Variants in DGKI observed in about 807,000 individuals in gnomAD.
DGKI encodes the protein DAG kinase iota.
In DGKI, 55 loss-of-function variants were observed where a neutral mutation model predicts 147.5. The ratio of observed to expected loss-of-function variants is 0.37; its 90% confidence interval spans 0.30 to 0.47. The LOEUF (loss-of-function observed/expected upper bound fraction) is 0.47. Among genes scored for constraint, DGKI ranks in the 20% least tolerant of loss-of-function variants. DGKI has a pLI of 1.00. For synonymous variants in DGKI, 469 were observed against 477.1 expected, an observed-to-expected ratio of 0.98 and a Z score of 0.22; for missense variants, 1,007 against 1,323.8, an observed-to-expected ratio of 0.76 and a Z score of 3.71.
chr7:137,568,366 G>T (rs1302399822), intron 19 of DGKI, among the ~76,000 whole-genome samples: 1 of 152,170 alleles, frequency 6.6e-6, no homozygotes, highest in Non-Finnish European at 1.5e-5. Flanking sequence ...CCAACTGCAT[G>T]CCACAGGCTC....
At chr7:137,526,860 C>T (rs547232054) in intron 20 of DGKI, among the ~76,000 whole-genome samples, 7 of 152,224 alleles carry the variant, frequency 4.6e-5, no homozygotes, top group East Asian at 1.9e-4. Context: ...CTATTCCTCT[C>T]GGACTGATAA....
intron 1 of DGKI, among the ~76,000 whole-genome samples, chr7:137,797,881 TAGAG>T (rs767001618): frequency 6.6e-6 from 1 of 151,672 alleles, no homozygotes; most frequent in Non-Finnish European, 1.5e-5. Context: ...ATAAATGAAA[TAGAG>T]AGGACTTAAA....
In DGKI at chr7:137,656,574, T is replaced by C. The variant is rs150883068; in HGVS notation, c.607-34A>G. ...TTCAATTCAAAAGACAAAAAAGAAA[T>C]GTTAACAGTCTGTTCTGAAGAGTTC... On this transcript the variant is annotated intron_variant, in intron 3 of 32. Coordinates refer to ENST00000614521, the MANE Select transcript of DGKI (RefSeq NM_001321708.2). The C allele has an allele frequency of 3.8e-4, 615 of 1,605,570 alleles. 2 individuals carry two copies. In the African/African-American group the frequency reaches 7.2e-3, roughly 19 times the overall value.
chr7:137,485,613 G>C (rs1815528075), intron 22 of DGKI, among the ~76,000 whole-genome samples, 195 bp from the exon 23 acceptor site: 1 of 152,030 alleles, frequency 6.6e-6, no homozygotes, highest in Non-Finnish European at 1.5e-5. Flanking sequence ...GCTGGACTGA[G>C]AGAAGGTCAT....
chr7:137,638,033 A>C (rs1246458364), intron 6 of DGKI, among the ~76,000 whole-genome samples: 3 of 152,188 alleles, frequency 2.0e-5, no homozygotes, highest in Non-Finnish European at 4.4e-5. Context: ...CAGGCAGGTC[A>C]GATTCAGGTT....
intron 1 of DGKI, among the ~76,000 whole-genome samples, chr7:137,701,832 TA>T (rs914429674): frequency 2.0e-5 from 3 of 151,308 alleles, no homozygotes; most frequent in Non-Finnish European, 3.0e-5. Context: ...TATATAGCAA[TA>T]AAAAAAACAT....
chr7:137,740,555 CG>C (rs1214262537), intron 1 of DGKI, among the ~76,000 whole-genome samples: 1 of 151,946 alleles, frequency 6.6e-6, no homozygotes. Flanking sequence ...AATCAGAGGT[CG>C]TCTGCAAGAA....
Position 137,846,912 on chromosome 7 carries a change from C to T in DGKI, c.-50G>A. The T allele has an allele frequency of 2.7e-6, 3 of 1,106,916 alleles. No individual in the cohort carries two copies. The highest frequency in any genetic ancestry group is 3.3e-6 in the Non-Finnish European group (3 of 905,658). 68.6% of individuals were successfully genotyped at this position (1,106,916 alleles called of 1,614,324 possible). A position where few individuals can be genotyped will look rare whatever the true frequency, so the allele number is the denominator to read the frequency against. On this transcript the variant is annotated 5_prime_UTR_variant, in exon 1 of 33. Transcript: ENST00000614521. This position sits in a 1 kb window ranked among gnomAD's most constrained non-coding sequence, Gnocchi z 4.0. ...TTGTGGGAAACTCCGCTCACTCCCCCGCCCCGGCCAATCAGAGGCCGCCGC... is the reference window on the plus strand; with the variant it reads ...TTGTGGGAAACTCCGCTCACTCCCCTGCCCCGGCCAATCAGAGGCCGCCGC...
At chr7:137,599,763 G>A in intron 11 of DGKI, 60 bp downstream of exon 11, 1 of 1,467,138 alleles carries the variant, frequency 6.8e-7, no homozygotes, top group Non-Finnish European at 9.5e-7. Flanking sequence ...AGATAATGAA[G>A]CAGAAAATTC....
chr7:137,564,938 C>CT (rs1563087897), intron 19 of DGKI, among the ~76,000 whole-genome samples: 1 of 152,262 alleles, frequency 6.6e-6, no homozygotes, highest in Non-Finnish European at 1.5e-5. Context: ...CCCAGGAACT[C>CT]TGTCTACTAA....
At chr7:137,811,380 TCTCTCACACACACACA>T (rs1198700340) in intron 1 of DGKI, among the ~76,000 whole-genome samples, 1 of 103,968 alleles carries the variant, frequency 9.6e-6, no homozygotes, top group African/African-American at 3.4e-5. Context: ...TCTCTCTCTC[TCTCTCACACACACACA>T]CACACACACA....
At chr7:137,453,055 G>A (rs1294466304) in intron 27 of DGKI, 1 of 152,240 alleles carries the variant, frequency 6.6e-6, no homozygotes, top group Non-Finnish European at 1.5e-5. Context: ...TCAACGGTCT[G>A]CATCACAACT....
chr7:137,427,270 G>A (rs1812855731), intron 28 of DGKI, among the ~76,000 whole-genome samples: 1 of 152,148 alleles, frequency 6.6e-6, no homozygotes, highest in Non-Finnish European at 1.5e-5. Flanking sequence ...TCAACTACAT[G>A]GAAACTGAAC....
chr7:137,567,608 G>A (rs1333520344), intron 19 of DGKI, among the ~76,000 whole-genome samples: 9 of 152,138 alleles, frequency 5.9e-5, no homozygotes, highest in South Asian at 2.1e-4. Flanking sequence ...GGGAAACTAC[G>A]GAGAGTTTAA....
chr7:137,449,732 C>T (rs1036617641), intron 27 of DGKI, among the ~76,000 whole-genome samples: 1 of 151,972 alleles, frequency 6.6e-6, no homozygotes, highest in African/African-American at 2.4e-5. Flanking sequence ...AAAAACAAAA[C>T]AAAAATAGAA....
chr7:137,444,936 T>C (rs1290957433), intron 27 of DGKI, among the ~76,000 whole-genome samples: 2 of 152,014 alleles, frequency 1.3e-5, no homozygotes, highest in East Asian at 3.9e-4. Flanking sequence ...ATATTCAGAG[T>C]TGTTGAAATT....
chr7:137,432,827 A>G (rs958679199), intron 28 of DGKI, among the ~76,000 whole-genome samples: 1 of 152,170 alleles, frequency 6.6e-6, no homozygotes, highest in Non-Finnish European at 1.5e-5. Context: ...TTCCTTCCCA[A>G]TATTTCCCTG....
At chr7:137,514,485 G>T (rs1164061928) in intron 21 of DGKI, among the ~76,000 whole-genome samples, 1 of 152,150 alleles carries the variant, frequency 6.6e-6, no homozygotes, top group Non-Finnish European at 1.5e-5. Flanking sequence ...AACGCTGACA[G>T]CTAGACAGCT....
At chr7:137,629,527 C>T (rs562920244) in intron 6 of DGKI, among the ~76,000 whole-genome samples, 2 of 152,324 alleles carry the variant, frequency 1.3e-5, no homozygotes, top group South Asian at 2.1e-4. Context: ...GGCATTCCAC[C>T]AGTGGAAGCA....
Sources: allele counts gnomAD v4.1 joint callset (sites outside exome capture counted in the v4.1 genomes callset), GRCh38; gene constraint gnomAD v4.1.1; non-coding constraint Gnocchi (gnomAD v3.1); transcripts MANE v1.5; gene names NCBI Gene and HGNC (gene_info 2026-07-23, HGNC 2026-07-21).